Variants in FANCC observed in about 807,000 individuals in gnomAD.
FANCC encodes FA complementation group C, also known as Fanconi anemia group C protein.
Under a neutral mutation model 71.3 loss-of-function variants are expected in FANCC, and 55 were observed. The observed-to-expected ratio is 0.77, with a 90% CI of 0.62 to 0.97. The LOEUF (loss-of-function observed/expected upper bound fraction) is 0.97. Ranked by LOEUF, FANCC falls within the 50% of genes least tolerant of loss-of-function variation. The probability of loss-of-function intolerance (pLI) is 0.00; values close to 1 mark genes in which losing one functional copy is unlikely to be tolerated. For synonymous variants in FANCC, 275 were observed against 244.9 expected, an observed-to-expected ratio of 1.12 and a Z score of -1.15; for missense variants, 678 against 670.9, an observed-to-expected ratio of 1.01 and a Z score of -0.12.
chr9:95,159,665 C>A (rs1298419886), intron 6 of FANCC, among the ~76,000 whole-genome samples: 1 of 152,186 alleles, frequency 6.6e-6, no homozygotes, highest in African/African-American at 2.4e-5. Context: ...CAAAAGCATT[C>A]CTATTTCTCC....
At chr9:95,289,462 T>C (rs1833880374) in intron 1 of FANCC, among the ~76,000 whole-genome samples, 1 of 152,268 alleles carries the variant, frequency 6.6e-6, no homozygotes, top group Middle Eastern at 3.4e-3. Flanking sequence ...AAGGTAGTCA[T>C]CTTTCACACT....
At chr9:95,271,988 G>C (rs949576330) in intron 1 of FANCC, among the ~76,000 whole-genome samples, 12 of 129,360 alleles carry the variant, frequency 9.3e-5, no homozygotes, top group African/African-American at 3.3e-4. Flanking sequence ...CCAGGCTGGA[G>C]TGCAGTGGCG....
intron 7 of FANCC, among the ~76,000 whole-genome samples, chr9:95,149,531 T>C (rs959719426): frequency 1.3e-5 from 2 of 151,592 alleles, no homozygotes; most frequent in African/African-American, 4.9e-5. Context: ...CAGGCTGGAG[T>C]GCAGTGGCAC....
intron 4 of FANCC, among the ~76,000 whole-genome samples, chr9:95,229,263 A>C (rs1237193326): frequency 6.7e-6 from 1 of 148,768 alleles, no homozygotes; most frequent in African/African-American, 2.5e-5. Context: ...ACACCACTGC[A>C]CTTCAGCCTG....
chr9:95,161,264 C>CAGGAAGG (rs370634416), intron 6 of FANCC, among the ~76,000 whole-genome samples: 3 of 152,152 alleles, frequency 2.0e-5, no homozygotes, highest in East Asian at 1.9e-4. Context: ...CTGACTCCAA[C>CAGGAAGG]AGGAAGGAGG....
chr9:95,101,985 C>T (rs1392071665), intron 14 of FANCC, 135 bp from the exon 15 acceptor site: 1 of 999,956 alleles, frequency 1.0e-6, no homozygotes, highest in African/African-American at 1.6e-5. Flanking sequence ...CAAAGTAAAG[C>T]ATCAGGGGCT....
intron 1 of FANCC, among the ~76,000 whole-genome samples, chr9:95,252,274 C>CAAAAAAAAAAAAAAAAAAAAAAA (rs71366284): frequency 6.0e-5 from 3 of 50,158 alleles, no homozygotes; most frequent in East Asian, 6.7e-4. Flanking sequence ...GAGACTGATT[C>CAAAAAAAAAAAAAAAAAAAAAAA]AAAAAAAAAA....
intron 8 of FANCC, among the ~76,000 whole-genome samples, chr9:95,128,108 C>CTTAG (rs1258742741): frequency 4.6e-5 from 7 of 152,156 alleles, no homozygotes; most frequent in African/African-American, 1.7e-4. Context: ...TGGCTTCGAA[C>CTTAG]TTAGGCATGT....
chr9:95,262,555 A>C (rs1245643747), intron 1 of FANCC, among the ~76,000 whole-genome samples: 1 of 152,192 alleles, frequency 6.6e-6, no homozygotes, highest in Non-Finnish European at 1.5e-5. Flanking sequence ...GCTACGAAAA[A>C]CAGTATGGTG....
intron 14 of FANCC, among the ~76,000 whole-genome samples, chr9:95,104,527 T>C (rs1407570423): frequency 6.6e-6 from 1 of 152,180 alleles, no homozygotes; most frequent in Non-Finnish European, 1.5e-5. Context: ...CCACACAGGA[T>C]GCAGGCTGGC....
chr9:95,107,747 C>T (rs2071570361), intron 13 of FANCC, among the ~76,000 whole-genome samples: 1 of 152,142 alleles, frequency 6.6e-6, no homozygotes, highest in African/African-American at 2.4e-5. Context: ...GGAACACACA[C>T]ACATGCACGC....
chr9:95,240,026 C>G (rs74939308), intron 4 of FANCC, among the ~76,000 whole-genome samples: 1 of 152,214 alleles, frequency 6.6e-6, no homozygotes, highest in Admixed American at 6.5e-5. Flanking sequence ...CCCAGCCTCA[C>G]CACATCTCTA....
intron 13 of FANCC, among the ~76,000 whole-genome samples, chr9:95,110,024 C>T (rs983149328): frequency 6.6e-6 from 1 of 152,202 alleles, no homozygotes; most frequent in Non-Finnish European, 1.5e-5. Context: ...CTGGATTGAA[C>T]TGCCAGGCAG....
chr9:95,261,328 T>C (rs1378877008), intron 1 of FANCC, among the ~76,000 whole-genome samples: 1 of 152,232 alleles, frequency 6.6e-6, no homozygotes, highest in African/African-American at 2.4e-5. Flanking sequence ...AAATCCTTTA[T>C]CTTGCTCCAA....
At chr9:95,292,638 A>C in intron 1 of FANCC, 1 of 1,407,292 alleles carries the variant, frequency 7.1e-7, no homozygotes, top group Non-Finnish European at 1.0e-6. Context: ...CCCCGCGCTC[A>C]ACATGCACCT....
chr9:95,227,780 A>G (rs1829717510), intron 4 of FANCC, among the ~76,000 whole-genome samples: 1 of 152,192 alleles, frequency 6.6e-6, no homozygotes, highest in Admixed American at 6.5e-5. Flanking sequence ...CTTCTTGAGT[A>G]CCTAACATTT....
intron 1 of FANCC, among the ~76,000 whole-genome samples, chr9:95,253,556 C>T (rs543072998): frequency 3.3e-5 from 5 of 152,214 alleles, no homozygotes; most frequent in Admixed American, 1.3e-4. Context: ...ATTTTTCTTC[C>T]GGCTTCCATT....
At chr9:95,107,426 A>G (rs1336999525) in intron 13 of FANCC, 157 bp from the exon 14 acceptor site, 2 of 760,768 alleles carry the variant, frequency 2.6e-6, no homozygotes, top group Admixed American at 2.1e-5. Context: ...ACTCGATTTC[A>G]CACAAACCCA....
chr9:95,286,699 G>A (rs975452075), intron 1 of FANCC, among the ~76,000 whole-genome samples: 2 of 152,068 alleles, frequency 1.3e-5, no homozygotes, highest in Admixed American at 6.5e-5. Flanking sequence ...GAAGAGTCTC[G>A]AGGGCTGATT....
Sources: allele counts gnomAD v4.1 joint callset (sites outside exome capture counted in the v4.1 genomes callset), GRCh38; gene constraint gnomAD v4.1.1; transcripts MANE v1.5; gene names NCBI Gene and HGNC (gene_info 2026-07-23, HGNC 2026-07-21).